The following MST1R variants were observed in gnomAD, a reference collection of about 807,000 sequenced individuals.
MST1R encodes the protein macrophage-stimulating protein receptor.
Under a neutral mutation model 117.8 loss-of-function variants are expected in MST1R, and 99 were observed. That is an observed-to-expected ratio of 0.84 (90% CI 0.71 to 0.99). MST1R has a LOEUF of 0.99. Among genes scored for constraint, MST1R ranks in the 50% least tolerant of loss-of-function variants. The probability of loss-of-function intolerance (pLI) is 0.00; values close to 1 mark genes in which losing one functional copy is unlikely to be tolerated. For synonymous variants in MST1R, 734 were observed against 765.3 expected (o/e 0.96, Z 0.68); for missense variants, 1,683 against 1,840.2 (o/e 0.91, Z 1.56).
chr3:49,896,111 C>A lies in MST1R; in HGVS notation c.2650-4G>T, dbSNP rs1559474774. On this transcript the variant is annotated splice_region_variant and splice_polypyrimidine_tract_variant and intron_variant, in intron 10 of 19. Coordinates refer to ENST00000296474, the MANE Select transcript of MST1R (RefSeq NM_002447.4). Reference sequence around the variant, plus strand: ...CCACAGCGCCCAGCCCAATATACTGCAGAGAGGGTCATGAGGACCAGCCAG... The same window carrying A: ...CCACAGCGCCCAGCCCAATATACTGAAGAGAGGGTCATGAGGACCAGCCAG... The A allele has an allele frequency of 6.2e-7, 1 of 1,613,854 alleles. No individual in the cohort carries two copies.
Position 49,898,999 on chromosome 3 carries a change from G to A in MST1R, c.1420-4C>T, listed in dbSNP as rs763395992. ...TTAGTGACCTGACCAGCTCCACCTA[G>A]GACAGGTCAGATGTGAGCAAAATGG... is the stretch of plus-strand genomic sequence containing the variant. On this transcript the variant is annotated splice_polypyrimidine_tract_variant and splice_region_variant and intron_variant, in intron 2 of 19. Coordinates refer to ENST00000296474, the MANE Select transcript of MST1R (RefSeq NM_002447.4). The A allele has an allele frequency of 5.1e-5, 82 of 1,614,090 alleles. No individual in the cohort carries two copies. The highest frequency in any genetic ancestry group is 6.9e-5 in the Non-Finnish European group (81 of 1,180,054).
rs756804635 is a variant in MST1R at position 49,898,935 on chromosome 3, T to C, written c.1480A>G (p.Ser494Gly). The C allele has an allele frequency of 2.0e-5, 33 of 1,614,078 alleles. No homozygotes were observed. In the South Asian group the frequency reaches 3.4e-4, roughly 17 times the overall value. ...ACATCCCGCTGCACGGGCTGCCCACTGTCACCCAGTGAGAAGTTGGACACA... is the reference window on the plus strand; with the variant it reads ...ACATCCCGCTGCACGGGCTGCCCACCGTCACCCAGTGAGAAGTTGGACACA... ...LYVSNFSLGD[S>G]GQPVQRDVSR... The change falls in exon 3 of 20, where the codon AGT becomes GGT. Residue 494 changes from serine (S) to glycine (G), a missense_variant. Transcript: ENST00000296474.
intron 17 of MST1R, 118 bp downstream of exon 17, chr3:49,891,079 G>A: frequency 1.1e-6 from 1 of 934,326 alleles, no homozygotes. Context: ...GACAAAAAAA[G>A]TAAGGTGCAG....
At chr3:49,889,122 G>A (rs1037360670) in intron 19 of MST1R, among the ~76,000 whole-genome samples, 1 of 152,212 alleles carries the variant, frequency 6.6e-6, no homozygotes, top group East Asian at 1.9e-4. Context: ...AGCAGTCCCT[G>A]TGGGATGGGC....
intron 1 of MST1R, 69 bp downstream of exon 1, chr3:49,902,311 G>A: frequency 6.5e-7 from 1 of 1,545,034 alleles, no homozygotes; most frequent in Non-Finnish European, 8.7e-7. Context: ...CTCAGTGATG[G>A]AAGGGAAGCA....
rs551800134 is a variant in MST1R, at chr3:49,891,448, G to A, written c.3485C>T (p.Pro1162Leu). The change falls in exon 16 of 20, where the codon CCC becomes CTC. Residue 1162 changes from proline to leucine, a missense_variant. Physicochemically the swap from Pro to Leu is moderately conservative, Grantham distance 98. Coordinates refer to ENST00000296474, the MANE Select transcript of MST1R (RefSeq NM_002447.4). ...GAGCAGGTCACCGTGGCACATATAG[G>A]GCAGCAGCACATGGGGCAGGCCCTC... The part of the protein sequence containing the change: ...PPEGLPHVLL[P>L]YMCHGDLLQF... The A allele has an allele frequency of 1.2e-6, 2 of 1,613,858 alleles. No homozygotes were observed. The highest frequency in any genetic ancestry group is 1.7e-5 in the Admixed American group (1 of 60,006).
Position 49,887,157 on chromosome 3 carries a change from G to T in MST1R, c.*150C>A. 2 of 1,060,212 alleles carry T rather than the reference G, an allele frequency of 1.9e-6. No homozygotes were observed. Among genetic ancestry groups the T allele is most frequent in the Admixed American group, 2.3e-5 (1 of 44,388 alleles). 65.7% of individuals were successfully genotyped at this position (1,060,212 alleles called of 1,614,324 possible). Reference sequence around the variant, plus strand: ...CCCTCACTGGCTCACTCTGTGGAGTGAGGGACCTAATGGGCCCCATTTACC... The same window carrying T: ...CCCTCACTGGCTCACTCTGTGGAGTTAGGGACCTAATGGGCCCCATTTACC... On this transcript the variant is annotated 3_prime_UTR_variant, in exon 20 of 20. Coordinates refer to ENST00000296474, the MANE Select transcript of MST1R (RefSeq NM_002447.4).
chr3:49,902,953 C>T lies in MST1R; in HGVS notation c.657G>A (p.Arg219=). 1.2e-6 allele frequency: 2 copies of T among 1,613,336 alleles called. No individual in the cohort carries two copies. The highest frequency in any genetic ancestry group is 1.7e-6 in the Non-Finnish European group (2 of 1,180,020). The stretch of plus-strand genomic sequence containing the variant: ...ATCCCGAGGCGTCAGCCTTGAGACG[C>T]CTGATAGACACTGAGCGTGGGCTGA... ...ASFSPRSVSI[R]RLKADASGFA... is the part of the protein sequence containing the mutation. Residue 219 remains arginine (R), a synonymous_variant, in exon 1 of 20, where the codon AGG becomes AGA. Coordinates refer to ENST00000296474, the MANE Select transcript of MST1R (RefSeq NM_002447.4).
Position 49,887,329 on chromosome 3 carries a change from G to A in MST1R, c.4181C>T (p.Ser1394Leu). 6.2e-7 allele frequency: 1 copy of A among 1,614,244 alleles called. No individual in the cohort carries two copies. Among genetic ancestry groups the A allele is most frequent in the Non-Finnish European group, 8.5e-7 (1 of 1,180,048 alleles). The part of the protein sequence containing the change: ...PGNVRRPRPL[S>L]EPPRPT ...AAGTCAAGTGGGCCGAGGAGGCTCTGAGAGTGGCCGGGGCCGGCGTACATT... is the reference window on the plus strand; with the variant it reads ...AAGTCAAGTGGGCCGAGGAGGCTCTAAGAGTGGCCGGGGCCGGCGTACATT... Residue 1394 changes from serine to leucine, a missense_variant, in exon 20 of 20, where the codon TCA (serine) becomes TTA (leucine). Ser to Leu is a moderately radical substitution (Grantham distance 145, BLOSUM62 -2). Coordinates refer to ENST00000296474, the MANE Select transcript of MST1R (RefSeq NM_002447.4).
intron 10 of MST1R, 39 bp downstream of exon 10, chr3:49,896,156 A>T: frequency 6.2e-7 from 1 of 1,614,158 alleles, no homozygotes; most frequent in East Asian, 2.2e-5. Context: ...CCCTACTTTC[A>T]GATCCCCAAC....
At chr3:49,902,119 C>T (rs1412124686) in intron 1 of MST1R, among the ~76,000 whole-genome samples, 1 of 152,082 alleles carries the variant, frequency 6.6e-6, no homozygotes, top group Non-Finnish European at 1.5e-5. Flanking sequence ...CCTAAAAAAC[C>T]AGAGGCCATG....
Position 49,902,689 on chromosome 3 carries a change from C to T in MST1R, c.921G>A (p.Arg307=). The change falls in exon 1 of 20, where the codon AGG becomes AGA. Residue 307 remains arginine (R), a synonymous_variant. Coordinates refer to ENST00000296474, the MANE Select transcript of MST1R (RefSeq NM_002447.4). ...GTCCGCCTTCTGGGGCCCCCCGGCG[C>T]CTGCGTTTTGGAGCAAATCTGCAGT... The part of the protein sequence containing the change: ...VLDCRFAPKR[R]RRGAPEGGQP... The T allele has an allele frequency of 6.2e-7, 1 of 1,613,460 alleles. No homozygotes were observed. Among genetic ancestry groups the T allele is most frequent in the South Asian group, 1.1e-5 (1 of 91,086 alleles).
Position 49,894,122 on chromosome 3 carries a change from G to A in MST1R, c.3271+1045C>T, listed in dbSNP as rs2082397298. Among the ~76,000 whole-genome samples the A allele has an allele frequency of 2.0e-5, 3 of 151,298 alleles. No homozygotes were observed. In the East Asian group the frequency reaches 5.8e-4, roughly 29 times the overall value. On this transcript the variant is annotated intron_variant, in intron 14 of 19. Transcript: ENST00000296474. The stretch of plus-strand genomic sequence containing the variant: ...CCTAGCTACTCAGGAAGCTGAGACA[G>A]GAGAATCACTTGAACCCGGGAGGAG...
At position 49,889,984 on chromosome 3, in the gene MST1R, A is replaced by G; in HGVS notation, c.3887T>C (p.Leu1296Pro). ...PPYRHIDPFDLTHFLAQGRRL... is the reference protein window; with the variant it reads ...PPYRHIDPFDPTHFLAQGRRL... ...CCGACCCTGGGCCAGGAAGTGGGTAAGGTCAAAAGGGTCAATGTGGCGGTA... is the reference window on the plus strand; with the variant it reads ...CCGACCCTGGGCCAGGAAGTGGGTAGGGTCAAAAGGGTCAATGTGGCGGTA... The change falls in exon 19 of 20, where the codon CTT becomes CCT. Residue 1296 changes from leucine to proline, a missense_variant. By Grantham distance (98) the Leu-to-Pro change is moderately conservative. Transcript: ENST00000296474. 6.2e-7 allele frequency: 1 copy of G among 1,614,130 alleles called. No individual in the cohort carries two copies. Among genetic ancestry groups the G allele is most frequent in the Non-Finnish European group, 8.5e-7 (1 of 1,179,996 alleles).
Position 49,902,646 on chromosome 3 carries a change from G to A in MST1R, c.964C>T (p.Arg322Trp), listed in dbSNP as rs778931500. The A allele has an allele frequency of 9.9e-6, 16 of 1,613,346 alleles. No individual in the cohort carries two copies. Among genetic ancestry groups the A allele is most frequent in the Middle Eastern group, 1.6e-4 (1 of 6,084 alleles). The part of the protein sequence containing the change: ...PEGGQPYPVL[R>W]VAHSAPVGAQ... ...CCCACTGGAGCGGAGTGGGCCACCC[G>A]CAGCACAGGGTAGGGCTGTCCGCCT... Residue 322 changes from arginine to tryptophan, a missense_variant, in exon 1 of 20, where the codon CGG (arginine) becomes TGG (tryptophan). Physicochemically the swap from Arg to Trp is moderately radical, Grantham distance 101. Transcript: ENST00000296474.
chr3:49,893,631 G>GCACC (rs2082378439), intron 14 of MST1R, among the ~76,000 whole-genome samples: 1 of 150,760 alleles, frequency 6.6e-6, no homozygotes, highest in Non-Finnish European at 1.5e-5. Context: ...CGGGCGCGGT[G>GCACC]GCTCACACCT....
chr3:49,897,776 G>A, intron 5 of MST1R, 91 bp from the exon 6 acceptor site: 2 of 1,477,228 alleles, frequency 1.4e-6, no homozygotes, highest in Admixed American at 2.3e-5. Context: ...CTCTGAGCCA[G>A]AGAATGGCAT....
chr3:49,897,155 T>C (rs2082503410), intron 7 of MST1R, 125 bp downstream of exon 7: 1 of 1,403,044 alleles, frequency 7.1e-7, no homozygotes, highest in South Asian at 1.4e-5. Flanking sequence ...AGTCTTTTCT[T>C]CCTGGACCTG....
Position 49,897,564 on chromosome 3 carries a change from AGT to A in MST1R, c.2000_2001del (p.His667LeufsTer38). The A allele has an allele frequency of 1.2e-6, 2 of 1,614,106 alleles. No individual in the cohort carries two copies. The highest frequency in any genetic ancestry group is 1.7e-6 in the Non-Finnish European group (2 of 1,180,030). On this transcript the variant is annotated frameshift_variant, in exon 6 of 20. Coordinates refer to ENST00000296474, the MANE Select transcript of MST1R (RefSeq NM_002447.4). LOFTEE classifies it high-confidence loss of function. ...LTVTNMPPGK[H>X]FRVDGTSVLR... ...AGCACGGAGGTGCCGTCTACCCGGA[AGT>A]GCTTGCCCGGTGGCATGTTAGTCAC...
Sources: allele counts gnomAD v4.1 joint callset (sites outside exome capture counted in the v4.1 genomes callset), GRCh38; gene constraint gnomAD v4.1.1; transcripts MANE v1.5; gene names NCBI Gene and HGNC (gene_info 2026-07-23, HGNC 2026-07-21).